The following ZNF578 variants were observed in gnomAD, a reference collection of about 807,000 sequenced individuals.
ZNF578 encodes Putative chemokine-related protein B42.
ZNF578 carries 8 observed loss-of-function variants against 8.3 expected under a neutral mutation model. That is an observed-to-expected ratio of 0.96 (90% confidence interval 0.56 to 1.74). The LOEUF (loss-of-function observed/expected upper bound fraction) is 1.74, where lower values mean the gene tolerates loss of function less well. Ranked by LOEUF, ZNF578 falls within the 40% of genes most tolerant of loss-of-function variation. ZNF578 has a pLI of 0.00. For missense variants in ZNF578, 726 were observed against 707.5 expected (o/e 1.03, Z -0.30); for synonymous variants, 206 against 232.2 (o/e 0.89, Z 1.03).
At chr19:52,497,867 C>A (rs116308435) in intron 3 of ZNF578, among the ~76,000 whole-genome samples, 1 of 152,116 alleles carries the variant, frequency 6.6e-6, no homozygotes, top group African/African-American at 2.4e-5. Context: ...CCCCTCAAGT[C>A]CCTCTGGTCC....
At position 52,512,466 on chromosome 19, in the gene ZNF578, A is replaced by G; in HGVS notation, c.*312A>G. On this transcript the variant is annotated 3_prime_UTR_variant, in exon 6 of 6. Coordinates refer to ENST00000421239, the MANE Select transcript of ZNF578 (RefSeq NM_001099694.2). ...GTGGCAAATTTTTCAGACATCGTTC[A>G]TACCTTGCAGTTCATCAGTGAACTC... 4 of 1,324,522 alleles carry G rather than the reference A, an allele frequency of 3.0e-6. No homozygotes were observed. The highest frequency in any genetic ancestry group is 4.3e-6 in the Non-Finnish European group (4 of 932,954). The allele number at this position is 1,324,522 out of a possible 1,614,324, so 82.0% of individuals were successfully genotyped here. A position where few individuals can be genotyped will look rare whatever the true frequency, so the allele number is the denominator to read the frequency against.
intron 2 of ZNF578, among the ~76,000 whole-genome samples, chr19:52,485,358 A>G (rs2059341269): frequency 6.6e-6 from 1 of 152,156 alleles, no homozygotes; most frequent in Non-Finnish European, 1.5e-5. Context: ...TTGCAAATAG[A>G]GCTTTTGTGC....
intron 2 of ZNF578, among the ~76,000 whole-genome samples, chr19:52,464,435 A>G (rs112605953): frequency 0.011 from 1,605 of 152,192 alleles, 29 homozygotes; most frequent in African/African-American, 0.037. Context: ...TCTCCTAACA[A>G]TTTTTGAAAA....
chr19:52,508,378 AAGAG>A lies in ZNF578; in HGVS notation c.191-2190_191-2187del, dbSNP rs774833101. 9.5e-4 allele frequency among the ~76,000 whole-genome samples: 144 copies of A among 151,958 alleles called. 3 individuals are homozygous for A. The highest frequency in any genetic ancestry group is 2.6e-4 in the Non-Finnish European group (18 of 67,990). On this transcript the variant is annotated intron_variant, in intron 5 of 5. Coordinates refer to ENST00000421239, the MANE Select transcript of ZNF578 (RefSeq NM_001099694.2). The stretch of plus-strand genomic sequence containing the variant: ...AGAGAGAGAGAGAAAGAGAAAGTGA[AAGAG>A]AGAAAAAGAAAGAAAGATATTAAAA...
chr19:52,514,287 A>T lies in ZNF578; in HGVS notation c.*2133A>T, dbSNP rs1187997770. On this transcript the variant is annotated 3_prime_UTR_variant, in exon 6 of 6. Coordinates refer to ENST00000421239, the MANE Select transcript of ZNF578 (RefSeq NM_001099694.2). ...ATATTTTCCAGTTGTTTTCCGGTTG[A>T]CCCCAAAATTCGTGAGATTTTTTTC... 3.3e-5 allele frequency among the ~76,000 whole-genome samples: 5 copies of T among 152,098 alleles called. No homozygotes were observed. The highest frequency in any genetic ancestry group is 7.4e-5 in the Non-Finnish European group (5 of 68,024).
At chr19:52,493,863 G>A (rs1372279156) in intron 3 of ZNF578, among the ~76,000 whole-genome samples, 4 of 151,988 alleles carry the variant, frequency 2.6e-5, no homozygotes, top group Non-Finnish European at 4.4e-5. Context: ...GGTTGCACAT[G>A]CCTGTAACGC....
At chr19:52,493,116 A>G (rs1480852364) in intron 3 of ZNF578, among the ~76,000 whole-genome samples, 6 of 152,028 alleles carry the variant, frequency 3.9e-5, no homozygotes, top group African/African-American at 9.7e-5. Context: ...TTCCTGCTCA[A>G]AACCTTTTTC....
chr19:52,485,209 T>C (rs1372696209), intron 2 of ZNF578, among the ~76,000 whole-genome samples: 3 of 152,060 alleles, frequency 2.0e-5, no homozygotes, highest in African/African-American at 7.2e-5. Flanking sequence ...GTGATTACTT[T>C]TGTGCTTTTG....
intron 2 of ZNF578, among the ~76,000 whole-genome samples, chr19:52,487,820 A>G (rs2059350784): frequency 6.6e-6 from 1 of 151,974 alleles, no homozygotes. Flanking sequence ...TTCTTTTTGT[A>G]GAAACTTGGT....
At position 52,514,559 on chromosome 19, in the gene ZNF578, G is replaced by C. The variant is rs2059464757; in HGVS notation, c.*2405G>C. On this transcript the variant is annotated 3_prime_UTR_variant, in exon 6 of 6. Transcript: ENST00000421239. Reference sequence around the variant, plus strand: ...TGTCATTTTTTAAAATCTTGAGCTGGGAGCTATTTATTGTGTGTTTCCCTC... The same window carrying C: ...TGTCATTTTTTAAAATCTTGAGCTGCGAGCTATTTATTGTGTGTTTCCCTC... 6.6e-6 allele frequency among the ~76,000 whole-genome samples: 1 copy of C among 152,154 alleles called. No homozygotes were observed. Among genetic ancestry groups the C allele is most frequent in the African/African-American group, 2.4e-5 (1 of 41,422 alleles).
chr19:52,468,034 A>G lies in ZNF578; in HGVS notation c.-122+11076A>G, dbSNP rs190088246. On this transcript the variant is annotated intron_variant, in intron 2 of 5. Transcript: ENST00000421239. ...TTTTCTCCAAATAACAGCTTCATTT[A>G]TGTGCCCCCTAAACTTTTCACTATA... Among the ~76,000 whole-genome samples the G allele has an allele frequency of 3.5e-4, 53 of 152,252 alleles. 2 individuals are homozygous for G. The South Asian group carries it at 6.8e-3, about 20-fold the overall frequency.
chr19:52,498,274 A>C, intron 3 of ZNF578, among the ~76,000 whole-genome samples: 1 of 150,100 alleles, frequency 6.7e-6, no homozygotes, highest in Non-Finnish European at 1.5e-5. Flanking sequence ...CTTTTGCCTC[A>C]GCCTCCCGAG....
chr19:52,509,342 G>A (rs146052188), intron 5 of ZNF578, among the ~76,000 whole-genome samples: 4,989 of 152,130 alleles, frequency 0.033, 150 homozygotes, highest in Admixed American at 0.081. Context: ...TCTTAAGAGG[G>A]AATTGTTTAG....
chr19:52,463,828 G>C (rs79741132), intron 2 of ZNF578, among the ~76,000 whole-genome samples: 370 of 152,264 alleles, frequency 2.4e-3, no homozygotes, highest in Non-Finnish European at 4.0e-3. Flanking sequence ...CATTTTCCCA[G>C]TACTGTAGCC....
Position 52,514,248 on chromosome 19 carries a change from G to A in ZNF578, c.*2094G>A, listed in dbSNP as rs1463448598. 2.0e-5 allele frequency among the ~76,000 whole-genome samples: 3 copies of A among 152,050 alleles called. No homozygotes were observed. The highest frequency in any genetic ancestry group is 4.8e-5 in the African/African-American group (2 of 41,378). ...ATCCTGTAATCAGCTCACATCATTCGTTTCTGTACTTGTATATTTTCCAGT... is the reference window on the plus strand; with the variant it reads ...ATCCTGTAATCAGCTCACATCATTCATTTCTGTACTTGTATATTTTCCAGT... On this transcript the variant is annotated 3_prime_UTR_variant, in exon 6 of 6. Transcript: ENST00000421239.
chr19:52,472,684 C>G (rs1378649500), intron 2 of ZNF578, among the ~76,000 whole-genome samples: 2 of 152,154 alleles, frequency 1.3e-5, no homozygotes, highest in Non-Finnish European at 2.9e-5. Context: ...AGCACTAAGC[C>G]ATTCTGTAAG....
intron 2 of ZNF578, among the ~76,000 whole-genome samples, chr19:52,462,483 G>A (rs561977930): frequency 6.6e-6 from 1 of 152,294 alleles, no homozygotes; most frequent in South Asian, 2.1e-4. Flanking sequence ...CCTAATTAAA[G>A]GCAGGAATGG....
At chr19:52,481,283 A>G (rs1382037049) in intron 2 of ZNF578, among the ~76,000 whole-genome samples, 5 of 152,120 alleles carry the variant, frequency 3.3e-5, no homozygotes, top group African/African-American at 9.7e-5. Flanking sequence ...ATGTCCTCCT[A>G]TCCCTGTGTA....
intron 3 of ZNF578, among the ~76,000 whole-genome samples, chr19:52,500,656 TAC>T (rs1339540498): frequency 1.1e-4 from 17 of 152,098 alleles, no homozygotes; most frequent in Non-Finnish European, 2.5e-4. Flanking sequence ...GTGCTGGGAT[TAC>T]AGTCCTGAGC....
Sources: gnomAD v4.1 joint callset for allele counts (sites outside exome capture counted in the v4.1 genomes callset) on GRCh38, gnomAD v4.1.1 for gene constraint, MANE v1.5 for transcripts, NCBI Gene and HGNC (gene_info 2026-07-23, HGNC 2026-07-21) for gene names.